TRIO: variants seen among roughly 807,000 people sequenced by gnomAD.
TRIO encodes the protein trio Rho guanine nucleotide exchange factor, also known as triple functional domain protein.
In TRIO, 58 loss-of-function variants were observed where a neutral mutation model predicts 351.9. The observed-to-expected ratio is 0.16, with a 90% CI of 0.13 to 0.21. TRIO has a LOEUF of 0.21. Among genes scored for constraint, TRIO ranks in the 10% least tolerant of loss-of-function variants. The pLI is 1.00. For missense variants in TRIO, 3,201 were observed against 4,027.8 expected (o/e 0.79, Z 5.56); for synonymous variants, 1,758 against 1,595.7 (o/e 1.10, Z -2.42).
chr5:14,472,302 T>A (rs1469217029), intron 38 of TRIO, among the ~76,000 whole-genome samples: 1 of 152,260 alleles, frequency 6.6e-6, no homozygotes, highest in Non-Finnish European at 1.5e-5. Flanking sequence ...CAGAAAGTTA[T>A]GTCTAAGCTT....
chr5:14,235,921 T>C (rs1793737175), intron 1 of TRIO, among the ~76,000 whole-genome samples: 1 of 152,142 alleles, frequency 6.6e-6, no homozygotes, highest in Non-Finnish European at 1.5e-5. Flanking sequence ...CATTTTGGCC[T>C]CCCAAAGTGC....
chr5:14,359,751 T>C (rs1008348433), intron 13 of TRIO, among the ~76,000 whole-genome samples: 10 of 152,168 alleles, frequency 6.6e-5, no homozygotes, highest in Non-Finnish European at 2.9e-5. Context: ...GACCCTAATG[T>C]TGGAAACTAT....
Position 14,290,957 on chromosome 5 carries a change from C to G in TRIO, c.782C>G (p.Ser261Cys), listed in dbSNP as rs1157847642. The stretch of plus-strand genomic sequence containing the variant: ...GCTCGGAATATGATCGAGGAACATT[C>G]TCAGCTGAAGAAGAAGGTGATTAAG... ...EGARNMIEEH[S>C]QLKKKVIKAP... Residue 261 changes from serine (S) to cysteine (C), a missense_variant, in exon 5 of 57, where the codon TCT (serine) becomes TGT (cysteine). Around this residue, in one of 19 missense-constraint regions of TRIO, gnomAD observed 349 missense variants for 449.3 expected, o/e 0.78. Transcript: ENST00000344204. The G allele has an allele frequency of 3.1e-6, 5 of 1,614,058 alleles. No homozygotes were observed. The highest frequency in any genetic ancestry group is 1.7e-5 in the Admixed American group (1 of 60,004).
chr5:14,268,449 GTGACTCACAA>G (rs1438571244), intron 1 of TRIO, among the ~76,000 whole-genome samples: 12 of 152,200 alleles, frequency 7.9e-5, no homozygotes, highest in Non-Finnish European at 1.2e-4. Flanking sequence ...TGATGGCTGT[GTGACTCACAA>G]GTGGGGCTCT....
At chr5:14,187,341 G>C (rs1413338347) in intron 1 of TRIO, among the ~76,000 whole-genome samples, 3 of 152,290 alleles carry the variant, frequency 2.0e-5, no homozygotes, top group East Asian at 3.9e-4. Context: ...GATGGTTTTT[G>C]TTGTTTTGTT....
At chr5:14,500,215 T>C (rs571806410) in intron 53 of TRIO, among the ~76,000 whole-genome samples, 8 of 152,308 alleles carry the variant, frequency 5.3e-5, no homozygotes, top group African/African-American at 1.9e-4. Flanking sequence ...CATTTCCAAA[T>C]TGTTCTCTGA....
chr5:14,478,705 C>T (rs1755277416), intron 41 of TRIO, among the ~76,000 whole-genome samples: 2 of 150,092 alleles, frequency 1.3e-5, no homozygotes, highest in Non-Finnish European at 2.9e-5. Flanking sequence ...GTAATCCCAA[C>T]ACTTTGGGCA....
At chr5:14,334,999 A>G (rs1217242797) in intron 10 of TRIO, among the ~76,000 whole-genome samples, 1 of 151,548 alleles carries the variant, frequency 6.6e-6, no homozygotes, top group Non-Finnish European at 1.5e-5. Context: ...TCCATAGGTG[A>G]AAGCTGCTTT....
intron 1 of TRIO, among the ~76,000 whole-genome samples, chr5:14,253,289 G>T (rs1224676528): frequency 6.6e-6 from 1 of 152,190 alleles, no homozygotes; most frequent in Non-Finnish European, 1.5e-5. Context: ...TACTTTACTA[G>T]TACAGAATAG....
intron 28 of TRIO, among the ~76,000 whole-genome samples, chr5:14,396,576 T>G (rs1747616101): frequency 6.9e-6 from 1 of 144,994 alleles, no homozygotes; most frequent in African/African-American, 2.5e-5. Flanking sequence ...TTCATGTGAT[T>G]CTCCTCCCTC....
At chr5:14,483,849 C>T (rs1307939583) in intron 46 of TRIO, among the ~76,000 whole-genome samples, 3 of 152,226 alleles carry the variant, frequency 2.0e-5, no homozygotes, top group Non-Finnish European at 4.4e-5. Flanking sequence ...ACACTTGAGC[C>T]TCCCATCCCC....
chr5:14,204,037 A>G (rs780518818), intron 1 of TRIO, among the ~76,000 whole-genome samples: 2 of 152,194 alleles, frequency 1.3e-5, no homozygotes, highest in Non-Finnish European at 2.9e-5. Flanking sequence ...ATCCTGATGG[A>G]TGTCTCAAAT....
rs764203841 is a variant in TRIO, at chr5:14,462,772, C to T, written c.5514C>T (p.Gly1838=). The part of the protein sequence containing the change: ...ETVEERGRNE[G]LSSGTLSKSS... ...GATTTCAGAGAGGCCGGAACGAGGG[C>T]CTGAGCAGCGGTACTCTCTCCAAAT... Residue 1838 remains glycine (G), a synonymous_variant, in exon 36 of 57, where the codon GGC becomes GGT. Coordinates refer to ENST00000344204, the MANE Select transcript of TRIO (RefSeq NM_007118.4). 1 of 1,614,144 alleles carries T rather than the reference C, an allele frequency of 6.2e-7. No individual in the cohort carries two copies. The highest frequency in any genetic ancestry group is 1.7e-5 in the Admixed American group (1 of 60,026).
At chr5:14,322,529 AGT>A (rs1358465121) in intron 9 of TRIO, among the ~76,000 whole-genome samples, 4 of 152,226 alleles carry the variant, frequency 2.6e-5, no homozygotes, top group African/African-American at 9.6e-5. Context: ...TCTATAGAGA[AGT>A]AATTTCACAG....
rs866385397 is a variant in TRIO at position 14,403,136 on chromosome 5, T to G, written c.4716+2072T>G. 8.5e-3 allele frequency among the ~76,000 whole-genome samples: 1,044 copies of G among 122,332 alleles called. 14 individuals are homozygous for G. Among genetic ancestry groups the G allele is most frequent in the African/African-American group, 0.031 (971 of 31,460 alleles). 80.3% of individuals were successfully genotyped at this position (122,332 alleles called of 152,430 possible). ...GTGAGGGTGCAGGTTGTGGTGAGGG[T>G]GCAGGTTGTGGTGGTGAGGGTTGTA... On this transcript the variant is annotated intron_variant, in intron 31 of 56. Coordinates refer to ENST00000344204, the MANE Select transcript of TRIO (RefSeq NM_007118.4).
At chr5:14,488,329 G>A (rs1327352074) in intron 48 of TRIO, 69 bp downstream of exon 48, 5 of 1,461,244 alleles carry the variant, frequency 3.4e-6, no homozygotes, top group African/African-American at 2.9e-5. Flanking sequence ...AAACGCCACC[G>A]CGGCTGTTCT....
At chr5:14,229,830 T>A (rs951292758) in intron 1 of TRIO, among the ~76,000 whole-genome samples, 1 of 152,226 alleles carries the variant, frequency 6.6e-6, no homozygotes, top group African/African-American at 2.4e-5. Flanking sequence ...AATGTAGGAA[T>A]GCTTAGGTAT....
intron 1 of TRIO, among the ~76,000 whole-genome samples, chr5:14,233,606 C>G (rs1015959462): frequency 6.6e-6 from 1 of 152,022 alleles, no homozygotes; most frequent in Non-Finnish European, 1.5e-5. Flanking sequence ...ACATGTATCT[C>G]TTATTATTTC....
chr5:14,335,131 C>T (rs1395189589), intron 10 of TRIO, among the ~76,000 whole-genome samples: 1 of 152,226 alleles, frequency 6.6e-6, no homozygotes, highest in East Asian at 1.9e-4. Context: ...AGAGTTCACT[C>T]AAGTTTTCTC....
Sources: gnomAD v4.1 joint callset for allele counts (sites outside exome capture counted in the v4.1 genomes callset) on GRCh38, gnomAD v4.1.1 for gene constraint, gnomAD v4.1.1 regional missense constraint, MANE v1.5 for transcripts, NCBI Gene and HGNC (gene_info 2026-07-23, HGNC 2026-07-21) for gene names.